The following PTCH1 variants were observed in gnomAD, a reference collection of about 807,000 sequenced individuals.
The protein encoded by PTCH1 is patched 1.
PTCH1 carries 14 observed loss-of-function variants against 144.6 expected under a neutral mutation model. The observed-to-expected ratio is 0.10, with a 90% confidence interval of 0.06 to 0.15. The LOEUF (loss-of-function observed/expected upper bound fraction) is 0.15. Among genes scored for constraint, PTCH1 ranks in the 10% least tolerant of loss-of-function variants. The probability of loss-of-function intolerance (pLI) is 1.00; values close to 1 mark genes in which losing one functional copy is unlikely to be tolerated. For synonymous variants in PTCH1, 833 were observed against 793.6 expected (o/e 1.05, Z -0.83); for missense variants, 1,623 against 1,948.3 (o/e 0.83, Z 3.14).
rs1231974868 is a variant in PTCH1, at chr9:95,456,905, G to A, written c.3169-492C>T. On this transcript the variant is annotated intron_variant, in intron 18 of 23. Coordinates refer to ENST00000331920, the MANE Select transcript of PTCH1 (RefSeq NM_000264.5). ...GGACGGGGTGAATAAAAGATTTGCA[G>A]GTCAAAGTAGTTTTGCTTTTGTGAG... Among the ~76,000 whole-genome samples the A allele has an allele frequency of 2.6e-5, 4 of 152,128 alleles. No homozygotes were observed. The East Asian group carries it at 5.8e-4, about 22-fold the overall frequency.
intron 22 of PTCH1, among the ~76,000 whole-genome samples, chr9:95,447,890 T>C (rs564519114): frequency 3.3e-5 from 5 of 152,336 alleles, no homozygotes; most frequent in Non-Finnish European, 5.9e-5. Context: ...CAGTAGCCGC[T>C]CCAGACATGT....
intron 2 of PTCH1, among the ~76,000 whole-genome samples, chr9:95,496,604 A>G (rs980749567): frequency 3.3e-5 from 5 of 151,918 alleles, no homozygotes; most frequent in Non-Finnish European, 7.4e-5. Flanking sequence ...CAGTTAATAG[A>G]TATTTAGCCC....
chr9:95,506,865 A>G, intron 1 of PTCH1: 2 of 1,177,578 alleles, frequency 1.7e-6, no homozygotes. Context: ...GACTTGGGGC[A>G]CTGGGGCTGC....
chr9:95,479,547 C>A (rs939461445), intron 7 of PTCH1, among the ~76,000 whole-genome samples: 2 of 152,194 alleles, frequency 1.3e-5, no homozygotes, highest in Admixed American at 6.5e-5. Flanking sequence ...AGACACCTGA[C>A]TGACCAGAGT....
rs769616992 is a variant in PTCH1 at position 95,447,071 on chromosome 9, C to T, written c.4185G>A (p.Gly1395=). The part of the protein sequence containing the change: ...PVPGPGRNPR[G]GLCPGYPETD... ...TCTCAGGGTAGCCTGGGCAGAGTCC[C>T]CCTCGGGGGTTCCGCCCAGGCCCAG... is the stretch of plus-strand genomic sequence containing the variant. The change falls in exon 23 of 24, where the codon GGG becomes GGA. Residue 1395 remains glycine (G), a synonymous_variant. Coordinates refer to ENST00000331920, the MANE Select transcript of PTCH1 (RefSeq NM_000264.5). 5.2e-5 allele frequency: 84 copies of T among 1,614,064 alleles called. 1 individual carries two copies. The highest frequency in any genetic ancestry group is 2.6e-4 in the South Asian group (24 of 91,086).
At position 95,479,241 on chromosome 9, in the gene PTCH1, G is replaced by C. The variant is rs1205026472; in HGVS notation, c.1068-94C>G. The stretch of plus-strand genomic sequence containing the variant: ...CCCAGCCAGCTCCCCCAACTCACTG[G>C]CTGCAATTCTTTTCCTTCTCTGTGA... On this transcript the variant is annotated intron_variant, in intron 7 of 23. Transcript: ENST00000331920. 5.3e-6 allele frequency: 8 copies of C among 1,511,564 alleles called. No homozygotes were observed. The South Asian group carries it at 7.9e-5, about 15-fold the overall frequency. The allele number at this position is 1,511,564 out of a possible 1,614,324, so 93.6% of individuals were successfully genotyped here. A position where few individuals can be genotyped will look rare whatever the true frequency, so the allele number is the denominator to read the frequency against.
rs1840071845 is a variant in PTCH1, at chr9:95,467,100, T to TTG, written c.2560+15_2560+16insCA. ...GCAAAAGACCGAAAGGACGAGAGCC[T>TTG]CCCACGCCGTCTTACCCTGAAGCCA... On this transcript the variant is annotated intron_variant, in intron 15 of 23. Transcript: ENST00000331920. 1 of 1,613,700 alleles carries TTG rather than the reference T, an allele frequency of 6.2e-7. No homozygotes were observed. The highest frequency in any genetic ancestry group is 8.5e-7 in the Non-Finnish European group (1 of 1,179,672).
chr9:95,446,514 C>T, intron 23 of PTCH1, 123 bp from the exon 24 acceptor site: 1 of 467,040 alleles, frequency 2.1e-6, no homozygotes, highest in Non-Finnish European at 4.2e-6. Flanking sequence ...GGGTGTGGGC[C>T]TGAGGTGTCC....
rs997156828 is a variant in PTCH1, at chr9:95,506,575, G to A, written c.226C>T (p.Pro76Ser). The A allele has an allele frequency of 2.5e-6, 4 of 1,612,436 alleles. No individual in the cohort carries two copies. The African/African-American group carries it at 5.3e-5, about 22-fold the overall frequency. ...TGAAACTTCGCTCTCAGCCACAGCG[G>A]CGCTTTCCGGCCAGTAGCCTTCCCC... ...SKGKATGRKAPLWLRAKFQRL... is the reference protein window; with the variant it reads ...SKGKATGRKASLWLRAKFQRL... The change falls in exon 2 of 24, where the codon CCG (proline) becomes TCG (serine). Residue 76 changes from proline to serine, a missense_variant. Around this residue, in one of 7 missense-constraint regions of PTCH1, gnomAD observed 245 missense variants for 240.6 expected, o/e 1.02. Transcript: ENST00000331920.
At chr9:95,504,646 A>G (rs1843420927) in intron 2 of PTCH1, among the ~76,000 whole-genome samples, 1 of 151,942 alleles carries the variant, frequency 6.6e-6, no homozygotes, top group Admixed American at 6.6e-5. Flanking sequence ...CAGCGCCCCT[A>G]CAGTCTAGCC....
rs1302357924 is a variant in PTCH1, at chr9:95,479,139, G to A, written c.1076C>T (p.Ala359Val). Residue 359 changes from alanine (A) to valine (V), a missense_variant, in exon 8 of 24, where the codon GCC (alanine) becomes GTC (valine). Coordinates refer to ENST00000331920, the MANE Select transcript of PTCH1 (RefSeq NM_000264.5). The part of the protein sequence containing the change: ...NSTGKLVSAH[A>V]LQTMFQLMTP... The stretch of plus-strand genomic sequence containing the variant: ...CATTAACTGGAACATGGTCTGCAGG[G>A]CATGGGCGCTGCAGCACAGTCCAAG... 5 of 1,614,038 alleles carry A rather than the reference G, an allele frequency of 3.1e-6. No individual in the cohort carries two copies. Among genetic ancestry groups the A allele is most frequent in the Non-Finnish European group, 4.2e-6 (5 of 1,180,006 alleles).
intron 19 of PTCH1, among the ~76,000 whole-genome samples, chr9:95,454,146 C>T (rs1057389030): frequency 3.3e-5 from 5 of 152,196 alleles, no homozygotes; most frequent in African/African-American, 1.2e-4. Context: ...TACACAGGAC[C>T]GTACATTTGA....
chr9:95,477,917 C>A, intron 9 of PTCH1, 138 bp downstream of exon 9: 1 of 1,516,186 alleles, frequency 6.6e-7, no homozygotes, highest in Non-Finnish European at 9.0e-7. Flanking sequence ...TTTTAAACCA[C>A]TGTGAAGCCA....
At chr9:95,512,892 C>G (rs1216725832), upstream of PTCH1, among the ~76,000 whole-genome samples, 2 of 152,216 alleles carry the variant, frequency 1.3e-5, no homozygotes, top group Non-Finnish European at 2.9e-5. Context: ...GAAGCAACAG[C>G]TGAGTGTTCC....
At position 95,476,646 on chromosome 9, in the gene PTCH1, A is replaced by C; in HGVS notation, c.1602+113T>G. 2.0e-6 allele frequency: 2 copies of C among 1,007,760 alleles called. No individual in the cohort carries two copies. 62.4% of individuals were successfully genotyped at this position (1,007,760 alleles called of 1,614,324 possible). On this transcript the variant is annotated intron_variant, in intron 11 of 23. Transcript: ENST00000331920. The surrounding 1 kb of genome is among the most constrained non-coding windows in gnomAD (Gnocchi z 4.6). The stretch of plus-strand genomic sequence containing the variant: ...CTGGCAGCCAGTGACACATCATCTG[A>C]CATGGGACTGAAATCTTTACTGGGT...
upstream of PTCH1, among the ~76,000 whole-genome samples, chr9:95,511,840 G>T (rs1358330029): frequency 2.0e-5 from 3 of 152,160 alleles, no homozygotes; most frequent in Admixed American, 6.5e-5. Context: ...TTAAAAACTG[G>T]GGGAGGGGGG....
At chr9:95,481,742 A>C (rs1464930316) in intron 5 of PTCH1, 5 of 594,612 alleles carry the variant, frequency 8.4e-6, no homozygotes, top group African/African-American at 5.6e-5. Context: ...AAATTTAATG[A>C]CGCCTACAGA....
At chr9:95,460,038 A>T in intron 16 of PTCH1, 1 of 522,702 alleles carries the variant, frequency 1.9e-6, no homozygotes, top group East Asian at 3.5e-5. Flanking sequence ...AACCAATTAA[A>T]TCTGAATGCT....
At chr9:95,499,172 A>G (rs1350896300) in intron 2 of PTCH1, among the ~76,000 whole-genome samples, 1 of 152,016 alleles carries the variant, frequency 6.6e-6, no homozygotes, top group Non-Finnish European at 1.5e-5. Flanking sequence ...AAACTTGTCA[A>G]TGGATTTTAA....
Sources: gnomAD v4.1 joint callset for allele counts (sites outside exome capture counted in the v4.1 genomes callset) on GRCh38, gnomAD v4.1.1 for gene constraint, gnomAD v4.1.1 regional missense constraint, Gnocchi (gnomAD v3.1) non-coding constraint, MANE v1.5 for transcripts, NCBI Gene and HGNC (gene_info 2026-07-23, HGNC 2026-07-21) for gene names.